The following KCNIP4 variants were observed in gnomAD, a reference collection of about 807,000 sequenced individuals.
The protein encoded by KCNIP4 is Kv channel-interacting protein 4.
Under a neutral mutation model 34.0 loss-of-function variants are expected in KCNIP4, and 12 were observed. That is an observed-to-expected ratio of 0.35 (90% CI 0.23 to 0.57). The LOEUF (loss-of-function observed/expected upper bound fraction) is 0.57. Ranked by LOEUF, KCNIP4 falls within the 20% of genes least tolerant of loss-of-function variation. The pLI is 0.83. For synonymous variants in KCNIP4, 124 were observed against 102.2 expected, an observed-to-expected ratio of 1.21 and a Z score of -1.29; for missense variants, 238 against 311.7, an observed-to-expected ratio of 0.76 and a Z score of 1.78.
chr4:21,850,436 G>A (rs2109335015), intron 1 of KCNIP4: 1 of 152,118 alleles, frequency 6.6e-6, no homozygotes, highest in South Asian at 2.1e-4. Flanking sequence ...AATGGCATGG[G>A]ACCAGTGGCT....
At chr4:21,138,734 T>C (rs1751705828) in intron 1 of KCNIP4, among the ~76,000 whole-genome samples, 1 of 152,022 alleles carries the variant, frequency 6.6e-6, no homozygotes, top group Admixed American at 6.6e-5. Flanking sequence ...AATGTATTCC[T>C]AAAGGTTGTA....
intron 1 of KCNIP4, among the ~76,000 whole-genome samples, chr4:21,778,232 T>C (rs1351372736): frequency 3.4e-5 from 2 of 59,338 alleles, no homozygotes; most frequent in Non-Finnish European, 6.8e-5. Flanking sequence ...TCCTTTTTTT[T>C]TTTCTTTTTT....
chr4:21,546,479 T>G (rs764318997), intron 1 of KCNIP4, among the ~76,000 whole-genome samples: 1 of 152,162 alleles, frequency 6.6e-6, no homozygotes, highest in Non-Finnish European at 1.5e-5. Context: ...AAACAGAAAC[T>G]AACTTGCCAT....
intron 1 of KCNIP4, among the ~76,000 whole-genome samples, chr4:21,121,499 A>C (rs956289473): frequency 6.6e-6 from 1 of 152,242 alleles, no homozygotes; most frequent in Non-Finnish European, 1.5e-5. Flanking sequence ...TTGTCTTAGA[A>C]AGTAAAAGTG....
chr4:20,860,078 T>C (rs943943421), intron 2 of KCNIP4, among the ~76,000 whole-genome samples: 1 of 152,158 alleles, frequency 6.6e-6, no homozygotes, highest in Admixed American at 6.6e-5. Context: ...AAATAACTAC[T>C]TGAAGCATTC....
At chr4:20,830,576 A>C (rs1718298485) in intron 3 of KCNIP4, among the ~76,000 whole-genome samples, 1 of 152,230 alleles carries the variant, frequency 6.6e-6, no homozygotes, top group Non-Finnish European at 1.5e-5. Flanking sequence ...AATTAGCTAT[A>C]TGGCCTTGGG....
intron 1 of KCNIP4, among the ~76,000 whole-genome samples, chr4:21,602,242 C>T (rs866976767): frequency 6.6e-6 from 1 of 152,120 alleles, no homozygotes; most frequent in African/African-American, 2.4e-5. Flanking sequence ...GTTTGCCTTG[C>T]TCCATGTCTC....
At chr4:21,333,140 A>G (rs1227939939) in intron 1 of KCNIP4, among the ~76,000 whole-genome samples, 2 of 152,068 alleles carry the variant, frequency 1.3e-5, no homozygotes, top group African/African-American at 4.8e-5. Flanking sequence ...AGAAACATGT[A>G]ATTTTTCCAT....
At chr4:21,926,228 T>C (rs554902836) in intron 1 of KCNIP4, among the ~76,000 whole-genome samples, 10 of 152,306 alleles carry the variant, frequency 6.6e-5, no homozygotes, top group Admixed American at 3.9e-4. Flanking sequence ...AACGTCAGTA[T>C]TGTTATTATG....
In KCNIP4 at chr4:20,934,602, C is replaced by T. The variant is rs975112300; in HGVS notation, c.62-51893G>A. On this transcript the variant is annotated intron_variant, in intron 1 of 8. Coordinates refer to ENST00000382152, the MANE Select transcript of KCNIP4 (RefSeq NM_025221.6). ...GATTTGCTTCTCTCTTTAATCCACACACTATGCAAGCATTGCAGATACAAC... is the reference window on the plus strand; with the variant it reads ...GATTTGCTTCTCTCTTTAATCCACATACTATGCAAGCATTGCAGATACAAC... 4.6e-5 allele frequency among the ~76,000 whole-genome samples: 7 copies of T among 152,312 alleles called. 1 individual carries two copies. Among genetic ancestry groups the T allele is most frequent in the Admixed American group, 4.6e-4 (7 of 15,294 alleles).
At chr4:21,409,716 C>T (rs1724319589) in intron 1 of KCNIP4, among the ~76,000 whole-genome samples, 1 of 151,838 alleles carries the variant, frequency 6.6e-6, no homozygotes, top group South Asian at 2.1e-4. Flanking sequence ...AAAAAGGGGT[C>T]GATAAAATTG....
intron 1 of KCNIP4, among the ~76,000 whole-genome samples, chr4:20,947,643 A>G (rs999906426): frequency 6.6e-6 from 1 of 152,176 alleles, no homozygotes; most frequent in Non-Finnish European, 1.5e-5. Flanking sequence ...AAATACAGAG[A>G]AGCCTGAAAG....
At chr4:21,194,598 C>A (rs1389438524) in intron 1 of KCNIP4, among the ~76,000 whole-genome samples, 1 of 152,142 alleles carries the variant, frequency 6.6e-6, no homozygotes, top group African/African-American at 2.4e-5. Context: ...GGCCATGTTC[C>A]TGAGACAGGG....
intron 1 of KCNIP4, among the ~76,000 whole-genome samples, chr4:21,295,501 C>T (rs1403374822): frequency 4.6e-5 from 7 of 152,070 alleles, no homozygotes; most frequent in Admixed American, 4.6e-4. Context: ...TCCATTGCTC[C>T]TCCCATTACC....
intron 1 of KCNIP4, among the ~76,000 whole-genome samples, chr4:21,205,182 C>A (rs1413113131): frequency 6.6e-6 from 1 of 152,154 alleles, no homozygotes; most frequent in South Asian, 2.1e-4. Flanking sequence ...CACAAATGTC[C>A]TATATTTCTT....
In KCNIP4 at chr4:21,655,462, C is replaced by A. The variant is rs75323475; in HGVS notation, c.61+293109G>T. ...AGGGATAAAATGAACATCTTCCTAC[C>A]CTAAGCAACATAACAAAATAATAAC... On this transcript the variant is annotated intron_variant, in intron 1 of 8. Coordinates refer to ENST00000382152, the MANE Select transcript of KCNIP4 (RefSeq NM_025221.6). Among the ~76,000 whole-genome samples the A allele has an allele frequency of 6.3e-3, 954 of 152,098 alleles. 25 individuals carry two copies. In the East Asian group the frequency reaches 0.094, roughly 15 times the overall value.
intron 1 of KCNIP4, among the ~76,000 whole-genome samples, chr4:21,081,007 A>C (rs946698117): frequency 6.6e-6 from 1 of 151,926 alleles, no homozygotes; most frequent in African/African-American, 2.4e-5. Context: ...CTAGATGTTC[A>C]ACTTTAATTT....
rs1015553900 is a variant in KCNIP4 at position 20,860,846 on chromosome 4, A to G, written c.164-10179T>C. Reference sequence around the variant, plus strand: ...ACTTCTAGGATAAGGAGGTGATGCTATTGTTTGTTTAATGTTCAAGTCTGA... The same window carrying G: ...ACTTCTAGGATAAGGAGGTGATGCTGTTGTTTGTTTAATGTTCAAGTCTGA... On this transcript the variant is annotated intron_variant, in intron 2 of 8. Transcript: ENST00000382152. Among the ~76,000 whole-genome samples, 3 of 152,174 alleles carry G rather than the reference A, an allele frequency of 2.0e-5. No homozygotes were observed. In the East Asian group the frequency reaches 5.8e-4, roughly 29 times the overall value.
chr4:21,755,392 A>C (rs1325209694), intron 1 of KCNIP4, among the ~76,000 whole-genome samples: 1 of 152,204 alleles, frequency 6.6e-6, no homozygotes, highest in Non-Finnish European at 1.5e-5. Context: ...AAGCAAATGG[A>C]CAAATAAAAT....
Sources: allele counts gnomAD v4.1 joint callset (sites outside exome capture counted in the v4.1 genomes callset), GRCh38; gene constraint gnomAD v4.1.1; transcripts MANE v1.5; gene names NCBI Gene and HGNC (gene_info 2026-07-23, HGNC 2026-07-21).